THSD7B: variants seen among roughly 807,000 people sequenced by gnomAD.
The protein encoded by THSD7B is thrombospondin type-1 domain-containing protein 7B.
In THSD7B, 138 loss-of-function variants were observed where a neutral mutation model predicts 213.6. That is an observed-to-expected ratio of 0.65 (90% CI 0.56 to 0.74). The LOEUF is 0.74. Among genes scored for constraint, THSD7B ranks in the 30% least tolerant of loss-of-function variants. The pLI is 0.00. For missense variants in THSD7B, 1,931 were observed against 1,991.5 expected (o/e 0.97, Z 0.58); for synonymous variants, 742 against 687.0 (o/e 1.08, Z -1.25).
At position 136,942,366 on chromosome 2, in the gene THSD7B, T is replaced by C. The variant is rs573716679; in HGVS notation, c.139+60049T>C. ...GTTCCATATGAACTTTAAAGCAGTT[T>C]TTTTTTCCAATTCTGTGAAGAAAGT... On this transcript the variant is annotated intron_variant, in intron 2 of 27. Coordinates refer to ENST00000409968, the MANE Select transcript of THSD7B (RefSeq NM_001316349.2). Among the ~76,000 whole-genome samples, 3 of 152,246 alleles carry C rather than the reference T, an allele frequency of 2.0e-5. No individual in the cohort carries two copies. The East Asian group carries it at 5.8e-4, about 29-fold the overall frequency.
In THSD7B at chr2:137,668,240, G is replaced by A. The variant is rs10184570; in HGVS notation, c.4739+379G>A. Among the ~76,000 whole-genome samples the A allele has an allele frequency of 3.5e-3, 539 of 152,212 alleles. 8 individuals carry two copies. The highest frequency in any genetic ancestry group is 0.013 in the African/African-American group (522 of 41,538). Reference sequence around the variant, plus strand: ...GGCCAGGTCATCTGGGTGTTGTAAAGCTTCTCAGGTAATTCTAATCTGTGG... The same window carrying A: ...GGCCAGGTCATCTGGGTGTTGTAAAACTTCTCAGGTAATTCTAATCTGTGG... On this transcript the variant is annotated intron_variant, in intron 27 of 27. Coordinates refer to ENST00000409968, the MANE Select transcript of THSD7B (RefSeq NM_001316349.2).
intron 15 of THSD7B, among the ~76,000 whole-genome samples, chr2:137,539,697 A>G (rs1457461467): frequency 6.6e-6 from 1 of 151,762 alleles, no homozygotes; most frequent in Non-Finnish European, 1.5e-5. Flanking sequence ...AGAGTCCTAT[A>G]GAAACTTTTT....
chr2:136,878,900 T>C (rs1396802665), intron 1 of THSD7B, among the ~76,000 whole-genome samples: 2 of 152,240 alleles, frequency 1.3e-5, no homozygotes, highest in Non-Finnish European at 2.9e-5. Flanking sequence ...TCTTTTGCGG[T>C]GCAGCAGCTC....
At chr2:137,442,655 A>T (rs1687440535) in intron 14 of THSD7B, among the ~76,000 whole-genome samples, 1 of 152,102 alleles carries the variant, frequency 6.6e-6, no homozygotes, top group African/African-American at 2.4e-5. Context: ...GAGGCTTCAC[A>T]CTACATTTCT....
intron 4 of THSD7B, among the ~76,000 whole-genome samples, chr2:137,102,287 C>T (rs1232289698): frequency 6.6e-6 from 1 of 152,148 alleles, no homozygotes; most frequent in African/African-American, 2.4e-5. Context: ...AGCAGACCTG[C>T]AGCAGAGGGG....
chr2:137,307,763 A>T (rs759902944), intron 12 of THSD7B, among the ~76,000 whole-genome samples: 2 of 152,166 alleles, frequency 1.3e-5, no homozygotes, highest in Non-Finnish European at 2.9e-5. Flanking sequence ...TTGCACAAGC[A>T]TAAATTACGT....
At chr2:137,238,219 G>A (rs187587448) in intron 9 of THSD7B, among the ~76,000 whole-genome samples, 13 of 152,208 alleles carry the variant, frequency 8.5e-5, no homozygotes, top group Admixed American at 2.6e-4. Flanking sequence ...GAAGTGTTGC[G>A]CCACAAATAT....
intron 3 of THSD7B, among the ~76,000 whole-genome samples, chr2:137,087,022 A>C (rs988873052): frequency 2.6e-5 from 4 of 152,318 alleles, no homozygotes; most frequent in African/African-American, 9.6e-5. Context: ...AAATGAATAC[A>C]TAAATTGCCA....
Position 137,450,917 on chromosome 2 carries a change from C to T in THSD7B, c.3032C>T (p.Ser1011Phe). 6.2e-7 allele frequency: 1 copy of T among 1,613,576 alleles called. No individual in the cohort carries two copies. Among genetic ancestry groups the T allele is most frequent in the Non-Finnish European group, 8.5e-7 (1 of 1,179,690 alleles). Reference protein sequence around the residue: ...CKLSDWSSWGSCSSSCGIGVR... With the variant: ...CKLSDWSSWGFCSSSCGIGVR... ...TTAAGCGATTGGTCTAGTTGGGGGT[C>T]TTGCAGTTCATCTTGTGGAATTGGA... Residue 1011 changes from serine (S) to phenylalanine (F), a missense_variant, in exon 15 of 28, where the codon TCT becomes TTT. Transcript: ENST00000409968.
intron 27 of THSD7B, among the ~76,000 whole-genome samples, chr2:137,669,312 T>C (rs1274475795): frequency 1.3e-5 from 2 of 151,660 alleles, no homozygotes; most frequent in East Asian, 3.9e-4. Flanking sequence ...AAGGTGACTT[T>C]AATTCTTTCT....
At chr2:137,376,279 C>A (rs547663811) in intron 12 of THSD7B, among the ~76,000 whole-genome samples, 8 of 152,242 alleles carry the variant, frequency 5.3e-5, no homozygotes, top group East Asian at 3.9e-4. Context: ...GTAGTTAGAA[C>A]CTCAGTCATA....
intron 15 of THSD7B, among the ~76,000 whole-genome samples, chr2:137,544,603 GATGTAT>G (rs1680673159): frequency 1.3e-5 from 2 of 151,780 alleles, no homozygotes; most frequent in African/African-American, 4.8e-5. Context: ...CACTGTTGAA[GATGTAT>G]ATAATCCATG....
chr2:137,005,038 CTT>C (rs1326833805), intron 2 of THSD7B, among the ~76,000 whole-genome samples: 1 of 152,078 alleles, frequency 6.6e-6, no homozygotes, highest in African/African-American at 2.4e-5. Context: ...CAAACATAGT[CTT>C]ATTAAATAAA....
chr2:137,145,376 G>T (rs1421367028), intron 5 of THSD7B, among the ~76,000 whole-genome samples: 3 of 151,992 alleles, frequency 2.0e-5, no homozygotes, highest in Non-Finnish European at 4.4e-5. Flanking sequence ...TAGGAGTCTT[G>T]TCCTATTTGG....
intron 1 of THSD7B, among the ~76,000 whole-genome samples, chr2:136,825,364 G>A (rs765557868): frequency 1.3e-5 from 2 of 152,158 alleles, no homozygotes; most frequent in Admixed American, 6.5e-5. Context: ...GGACACCTGT[G>A]TTCCTTTCTG....
chr2:137,567,435 C>T (rs1423659421), intron 16 of THSD7B, among the ~76,000 whole-genome samples: 1 of 151,934 alleles, frequency 6.6e-6, no homozygotes, highest in African/African-American at 2.4e-5. Context: ...CTCTTATTTA[C>T]ATTTGAAAAG....
intron 2 of THSD7B, among the ~76,000 whole-genome samples, chr2:136,999,130 A>C (rs547428740): frequency 2.6e-4 from 39 of 152,266 alleles, no homozygotes; most frequent in African/African-American, 8.9e-4. Flanking sequence ...AGTTCTCAAC[A>C]ATTTTTTGAG....
In THSD7B at chr2:136,884,150, T is replaced by TAG. The variant is rs1237368871; in HGVS notation, c.139+1833_139+1834insAG. ...CACACAGAAGATACACATATAGTTA[T>TAG]TAATTAGGTTCTGTTAAAAAAGAAA... is the stretch of plus-strand genomic sequence containing the variant. On this transcript the variant is annotated intron_variant, in intron 2 of 27. Transcript: ENST00000409968. 3.3e-5 allele frequency among the ~76,000 whole-genome samples: 5 copies of TAG among 152,164 alleles called. 1 individual carries two copies. In the South Asian group the frequency reaches 8.3e-4, roughly 25 times the overall value.
intron 12 of THSD7B, among the ~76,000 whole-genome samples, chr2:137,292,096 G>T (rs1683352092): frequency 6.6e-6 from 1 of 152,142 alleles, no homozygotes; most frequent in Non-Finnish European, 1.5e-5. Context: ...CAGAAGGGAA[G>T]TGTTGGCTTC....
Sources: gnomAD v4.1 joint callset for allele counts (sites outside exome capture counted in the v4.1 genomes callset) on GRCh38, gnomAD v4.1.1 for gene constraint, MANE v1.5 for transcripts, NCBI Gene and HGNC (gene_info 2026-07-23, HGNC 2026-07-21) for gene names.